Variants in IL6ST observed in about 807,000 individuals in gnomAD.
The protein encoded by IL6ST is interleukin-6 receptor subunit beta.
IL6ST carries 24 observed loss-of-function variants against 91.3 expected under a neutral mutation model. The observed-to-expected ratio is 0.26, with a 90% confidence interval of 0.19 to 0.37. IL6ST has a LOEUF of 0.37. Among genes scored for constraint, IL6ST ranks in the 10% least tolerant of loss-of-function variants. IL6ST has a pLI of 1.00. For missense variants in IL6ST, 914 were observed against 1,078.5 expected (o/e 0.85, Z 2.14); for synonymous variants, 351 against 373.6 (o/e 0.94, Z 0.70).
At chr5:55,983,638 A>G (rs953294731) in intron 1 of IL6ST, among the ~76,000 whole-genome samples, 96 of 152,320 alleles carry the variant, frequency 6.3e-4, no homozygotes, top group African/African-American at 2.2e-3. Flanking sequence ...TTAATAACAC[A>G]TAAGGAATTA....
chr5:55,954,744 AAAAG>A (rs1444401034), intron 11 of IL6ST, 62 bp downstream of exon 11: 10 of 1,280,778 alleles, frequency 7.8e-6, no homozygotes, highest in Non-Finnish European at 1.1e-5. Flanking sequence ...CACTATAAGC[AAAAG>A]AAAAAGCTGC....
At chr5:55,971,124 T>C (rs1206327023) in intron 3 of IL6ST, among the ~76,000 whole-genome samples, 1 of 152,188 alleles carries the variant, frequency 6.6e-6, no homozygotes, top group African/African-American at 2.4e-5. Flanking sequence ...TCCAAAACTA[T>C]TATGTATCAT....
At chr5:55,985,041 T>C (rs1753876149) in intron 1 of IL6ST, among the ~76,000 whole-genome samples, 1 of 152,236 alleles carries the variant, frequency 6.6e-6, no homozygotes, top group South Asian at 2.1e-4. Context: ...TCATTAAGTT[T>C]TGAAAGTTCT....
At chr5:55,988,057 G>C (rs188692584) in intron 1 of IL6ST, among the ~76,000 whole-genome samples, 4 of 151,784 alleles carry the variant, frequency 2.6e-5, no homozygotes, top group Admixed American at 2.6e-4. Context: ...CTCGAACCCG[G>C]GAGGCAGAGG....
rs1385539951 is a variant in IL6ST, at chr5:55,938,993, G to A, written c.*2089C>T. Reference sequence around the variant, plus strand: ...CTCCATTCTCATTCCTGTAGATTAAGAGTTCATATTGTATATCTGACCCTG... The same window carrying A: ...CTCCATTCTCATTCCTGTAGATTAAAAGTTCATATTGTATATCTGACCCTG... On this transcript the variant is annotated 3_prime_UTR_variant, in exon 17 of 17. Coordinates refer to ENST00000381298, the MANE Select transcript of IL6ST (RefSeq NM_002184.4). 4.9e-6 allele frequency: 1 copy of A among 205,156 alleles called. No homozygotes were observed. Among genetic ancestry groups the A allele is most frequent in the Admixed American group, 6.0e-5 (1 of 16,776 alleles). The allele number at this position is 205,156 out of a possible 1,614,324, so 12.7% of individuals were successfully genotyped here.
intron 1 of IL6ST, among the ~76,000 whole-genome samples, chr5:55,983,356 C>T (rs975755704): frequency 3.3e-5 from 5 of 152,156 alleles, no homozygotes; most frequent in Non-Finnish European, 7.3e-5. Flanking sequence ...ACTTCCCTGA[C>T]GTCTATGTAA....
intron 2 of IL6ST, 103 bp from the exon 3 acceptor site, chr5:55,976,396 G>T: frequency 1.9e-6 from 1 of 526,162 alleles, no homozygotes. Flanking sequence ...TTTCTAAAAG[G>T]TGGTAAAATT....
At chr5:55,968,598 C>T (rs747522277) in intron 4 of IL6ST, among the ~76,000 whole-genome samples, 1 of 152,178 alleles carries the variant, frequency 6.6e-6, no homozygotes, top group Non-Finnish European at 1.5e-5. Flanking sequence ...AATATATATA[C>T]ATCCATCCTA....
intron 6 of IL6ST, 144 bp downstream of exon 6, chr5:55,964,002 T>A: frequency 2.5e-6 from 1 of 400,932 alleles, no homozygotes; most frequent in Non-Finnish European, 4.3e-6. Flanking sequence ...TTAATTAAAA[T>A]CTAAAAAAGT....
chr5:55,941,286 C>T lies in IL6ST; in HGVS notation c.2553G>A (p.Gln851=), dbSNP rs1207845654. The change falls in exon 17 of 17, where the codon CAG becomes CAA. Residue 851 remains glutamine (Q), a synonymous_variant. Transcript: ENST00000381298. The part of the protein sequence containing the change: ...NEEDFVRLKQ[Q]ISDHISQSCG... ...AGGATTGTGAAATATGATCTGAAAT[C>T]TGCTGTTTAAGTCTAACAAAATCTT... is the stretch of plus-strand genomic sequence containing the variant. 3 of 1,614,136 alleles carry T rather than the reference C, an allele frequency of 1.9e-6. No individual in the cohort carries two copies. The highest frequency in any genetic ancestry group is 2.5e-6 in the Non-Finnish European group (3 of 1,179,984).
At chr5:55,990,591 A>C (rs1439450152) in intron 1 of IL6ST, among the ~76,000 whole-genome samples, 2 of 152,178 alleles carry the variant, frequency 1.3e-5, no homozygotes, top group African/African-American at 4.8e-5. Context: ...AAACAAAATA[A>C]TTTCAAGAAT....
In IL6ST at chr5:55,969,812, TGGAGATTCA is replaced by T; in HGVS notation, c.99_107del (p.Glu34_Pro36del). On this transcript the variant is annotated inframe_deletion, in exon 4 of 17. Coordinates refer to ENST00000381298, the MANE Select transcript of IL6ST (RefSeq NM_002184.4). ...TGAAATTAGAATGAAGTTGTACAACTGGAGATTCAGGACTGATATAACCACATGGATCTA... is the reference window on the plus strand; with the variant it reads ...TGAAATTAGAATGAAGTTGTACAACTGGACTGATATAACCACATGGATCTA... 6.2e-7 allele frequency: 1 copy of T among 1,611,004 alleles called. No individual in the cohort carries two copies. Among genetic ancestry groups the T allele is most frequent in the Non-Finnish European group, 8.5e-7 (1 of 1,177,444 alleles).
intron 1 of IL6ST, among the ~76,000 whole-genome samples, chr5:55,986,855 C>T (rs1754001927): frequency 6.6e-6 from 1 of 152,106 alleles, no homozygotes. Flanking sequence ...GCTATTTTAG[C>T]ATATATTTTA....
intron 2 of IL6ST, among the ~76,000 whole-genome samples, chr5:55,982,144 TTTAA>T (rs1753710279): frequency 6.6e-6 from 1 of 152,240 alleles, no homozygotes; most frequent in Non-Finnish European, 1.5e-5. Flanking sequence ...TGGATAAATA[TTTAA>T]TGGTTAGGCT....
Position 55,941,209 on chromosome 5 carries a change from A to G in IL6ST, c.2630T>C (p.Phe877Ser). 6.2e-7 allele frequency: 1 copy of G among 1,614,178 alleles called. No homozygotes were observed. The highest frequency in any genetic ancestry group is 8.5e-7 in the Non-Finnish European group (1 of 1,180,006). Residue 877 changes from phenylalanine to serine, a missense_variant, in exon 17 of 17, where the codon TTT becomes TCT. By Grantham distance (155) the Phe-to-Ser change is radical. Transcript: ENST00000381298. ...MFQEVSAADA[F>S]GPGTEGQVER... ...TACTTGTCCCTCAGTACCTGGACCA[A>G]AAGCATCTGCTGCAGAAACTTCCTG...
At chr5:55,991,875 G>A (rs1042300132) in intron 1 of IL6ST, among the ~76,000 whole-genome samples, 2 of 152,002 alleles carry the variant, frequency 1.3e-5, no homozygotes, top group Non-Finnish European at 2.9e-5. Context: ...TATTCTTGTA[G>A]TTTCCAAACT....
chr5:55,954,848 T>A lies in IL6ST; in HGVS notation c.1412A>T (p.Gln471Leu), dbSNP rs748275834. The A allele has an allele frequency of 6.2e-7, 1 of 1,612,754 alleles. No homozygotes were observed. The highest frequency in any genetic ancestry group is 1.3e-5 in the African/African-American group (1 of 74,848). Residue 471 changes from glutamine to leucine, a missense_variant, in exon 11 of 17, where the codon CAA (glutamine) becomes CTA (leucine). Physicochemically the swap from Gln to Leu is moderately radical, Grantham distance 113 (BLOSUM62 -2). Coordinates refer to ENST00000381298, the MANE Select transcript of IL6ST (RefSeq NM_002184.4). ...GCGATGCACGGTACCATCTTCTTGTTGCCAGTCTGTGATACAGGGTGCTTT... is the reference window on the plus strand; with the variant it reads ...GCGATGCACGGTACCATCTTCTTGTAGCCAGTCTGTGATACAGGGTGCTTT... ...SDKAPCITDW[Q>L]QEDGTVHRTY...
chr5:55,951,186 C>T (rs994341516), intron 14 of IL6ST, among the ~76,000 whole-genome samples: 3 of 151,960 alleles, frequency 2.0e-5, no homozygotes, highest in African/African-American at 7.3e-5. Context: ...AAGGAAAGAA[C>T]ACACCCAAAC....
At position 55,940,127 on chromosome 5, in the gene IL6ST, G is replaced by GTGTGTGTATA. The variant is rs1750796619; in HGVS notation, c.*945_*954dup. The GTGTGTGTATA allele has an allele frequency of 2.4e-4, 40 of 169,110 alleles. 1 individual carries two copies. The East Asian group carries it at 2.9e-3, about 12-fold the overall frequency. 10.5% of individuals were successfully genotyped at this position (169,110 alleles called of 1,614,324 possible). A position where few individuals can be genotyped will look rare whatever the true frequency, so the allele number is the denominator to read the frequency against. ...AAGTCTTAAGAAAAGTCAATGATAT[G>GTGTGTGTATA]TGTGTGTATATATATATATATATAT... On this transcript the variant is annotated 3_prime_UTR_variant, in exon 17 of 17. Coordinates refer to ENST00000381298, the MANE Select transcript of IL6ST (RefSeq NM_002184.4).
Sources: gnomAD v4.1 joint callset for allele counts (sites outside exome capture counted in the v4.1 genomes callset) on GRCh38, gnomAD v4.1.1 for gene constraint, MANE v1.5 for transcripts, NCBI Gene and HGNC (gene_info 2026-07-23, HGNC 2026-07-21) for gene names.